The following WRNIP1 variants were observed in gnomAD, a reference collection of about 807,000 sequenced individuals.
WRNIP1 encodes WRN helicase interacting protein 1.
WRNIP1 carries 41 observed loss-of-function variants against 56.1 expected under a neutral mutation model. That is an observed-to-expected ratio of 0.73 (90% CI 0.57 to 0.95). The LOEUF is 0.95. Among genes scored for constraint, WRNIP1 ranks in the 40% least tolerant of loss-of-function variants. The probability of loss-of-function intolerance (pLI) is 0.00; values close to 1 mark genes in which losing one functional copy is unlikely to be tolerated. For missense variants in WRNIP1, 1,170 were observed against 939.4 expected (o/e 1.25, Z -3.21); for synonymous variants, 547 against 398.1 (o/e 1.37, Z -4.45).
rs746242864 is a variant in WRNIP1, at chr6:2,765,600, C to T, written c.-23C>T. ...CACGGGTTGCTGCGGCCGCGCCGGG[C>T]GCCGGGGAGGGCGGCGGCCGCCATG... On this transcript the variant is annotated 5_prime_UTR_variant, in exon 1 of 7. Coordinates refer to ENST00000380773, the MANE Select transcript of WRNIP1 (RefSeq NM_020135.3). The T allele has an allele frequency of 2.7e-6, 4 of 1,489,078 alleles. No individual in the cohort carries two copies. Among genetic ancestry groups the T allele is most frequent in the Admixed American group, 2.2e-5 (1 of 45,412 alleles). The allele number at this position is 1,489,078 out of a possible 1,614,324, so 92.2% of individuals were successfully genotyped here.
At chr6:2,781,556 G>A (rs1765561867) in intron 4 of WRNIP1, among the ~76,000 whole-genome samples, 1 of 152,150 alleles carries the variant, frequency 6.6e-6, no homozygotes. Flanking sequence ...CCAGAGTTGT[G>A]ATTATTTTTG....
chr6:2,776,505 TC>T (rs1316753865), intron 3 of WRNIP1, among the ~76,000 whole-genome samples: 1 of 152,216 alleles, frequency 6.6e-6, no homozygotes, highest in East Asian at 1.9e-4. Flanking sequence ...GCACCTCCAT[TC>T]CCCATGACTC....
intron 3 of WRNIP1, among the ~76,000 whole-genome samples, chr6:2,774,893 T>G (rs1024939155): frequency 6.6e-6 from 1 of 152,252 alleles, no homozygotes; most frequent in Non-Finnish European, 1.5e-5. Flanking sequence ...CACAGTCTGA[T>G]GAGGGTGATT....
intron 3 of WRNIP1, chr6:2,773,747 TATAC>T (rs1468705874): frequency 1.0e-6 from 1 of 964,254 alleles, no homozygotes; most frequent in Admixed American, 6.8e-5. Context: ...TCATAGAATA[TATAC>T]ATAGTCAAAA....
chr6:2,778,575 C>T (rs888555566), intron 3 of WRNIP1, among the ~76,000 whole-genome samples: 17 of 152,182 alleles, frequency 1.1e-4, no homozygotes, highest in African/African-American at 4.1e-4. Context: ...GCAGTCTTCT[C>T]GTCGCTTCCC....
At position 2,770,076 on chromosome 6, in the gene WRNIP1, C is replaced by G. The variant is rs539975236; in HGVS notation, c.1015-44C>G. Reference sequence around the variant, plus strand: ...AACTTACATAGGATTCTGCAGGTGGCTGTTGACTGGAATCACTTTTTTCTG... The same window carrying G: ...AACTTACATAGGATTCTGCAGGTGGGTGTTGACTGGAATCACTTTTTTCTG... On this transcript the variant is annotated intron_variant, in intron 2 of 6. Coordinates refer to ENST00000380773, the MANE Select transcript of WRNIP1 (RefSeq NM_020135.3). The G allele has an allele frequency of 1.7e-5, 27 of 1,610,766 alleles. No individual in the cohort carries two copies. The East Asian group carries it at 5.1e-4, about 31-fold the overall frequency.
At chr6:2,776,288 G>C (rs1051068770) in intron 3 of WRNIP1, among the ~76,000 whole-genome samples, 1 of 152,226 alleles carries the variant, frequency 6.6e-6, no homozygotes, top group Non-Finnish European at 1.5e-5. Context: ...CGTCTTCACA[G>C]TGAATCTCCA....
chr6:2,770,431 A>G, intron 3 of WRNIP1, 70 bp downstream of exon 3: 3 of 1,589,398 alleles, frequency 1.9e-6, no homozygotes, highest in Non-Finnish European at 2.6e-6. Flanking sequence ...GGGGCCAGAA[A>G]GGGCCGGGCG....
intron 4 of WRNIP1, among the ~76,000 whole-genome samples, chr6:2,781,064 C>G (rs371318233): frequency 5.3e-5 from 8 of 152,234 alleles, no homozygotes; most frequent in African/African-American, 1.9e-4. Flanking sequence ...TCCTTCCCCC[C>G]GTCCGCATTT....
Position 2,766,162 on chromosome 6 carries a change from G to A in WRNIP1, c.540G>A (p.Ala180=). The change falls in exon 1 of 7, where the codon GCG becomes GCA. Residue 180 remains alanine (A), a synonymous_variant. Coordinates refer to ENST00000380773, the MANE Select transcript of WRNIP1 (RefSeq NM_020135.3). ...GDGDGDGDAD[A]DGEDDPGHWD... ...GCGATGGCGACGGGGACGCGGACGC[G>A]GACGGCGAGGACGACCCGGGGCACT... 3.8e-6 allele frequency: 5 copies of A among 1,333,312 alleles called. No individual in the cohort carries two copies. The highest frequency in any genetic ancestry group is 4.8e-6 in the Non-Finnish European group (5 of 1,048,348). The allele number at this position is 1,333,312 out of a possible 1,614,324, so 82.6% of individuals were successfully genotyped here.
chr6:2,783,605 T>C, intron 5 of WRNIP1, 44 bp downstream of exon 5: 2 of 975,546 alleles, frequency 2.1e-6, no homozygotes, highest in Admixed American at 8.6e-5. Context: ...TCCATGAGGG[T>C]GGGGAAATGG....
In WRNIP1 at chr6:2,785,490, G is replaced by A; in HGVS notation, c.*208G>A. ...GTGTTCATTTGCACTCGGTGCAGCG[G>A]TTATGCTTATGAAAATACCTGGCAG... On this transcript the variant is annotated 3_prime_UTR_variant, in exon 7 of 7. Coordinates refer to ENST00000380773, the MANE Select transcript of WRNIP1 (RefSeq NM_020135.3). 1.7e-6 allele frequency: 1 copy of A among 579,070 alleles called. No individual in the cohort carries two copies. The highest frequency in any genetic ancestry group is 3.0e-6 in the Non-Finnish European group (1 of 331,536). The allele number at this position is 579,070 out of a possible 1,614,324, so 35.9% of individuals were successfully genotyped here. A position where few individuals can be genotyped will look rare whatever the true frequency, so the allele number is the denominator to read the frequency against.
chr6:2,785,247 A>G lies in WRNIP1; in HGVS notation c.1963A>G (p.Arg655Gly), dbSNP rs748686446. 1.2e-6 allele frequency: 2 copies of G among 1,614,018 alleles called. No homozygotes were observed. Among genetic ancestry groups the G allele is most frequent in the Non-Finnish European group, 1.7e-6 (2 of 1,179,988 alleles). The change falls in exon 7 of 7, where the codon AGG becomes GGG. Residue 655 changes from arginine (R) to glycine (G), a missense_variant. Arg to Gly is a moderately radical substitution (Grantham distance 125). Transcript: ENST00000380773. ...TCAGGAGTACCTGCCTGAAGAGTTG[A>G]GGGGGGTAGATTTCTTCAAGCAGAG... ...VDQEYLPEEL[R>G]GVDFFKQRRC is the part of the protein sequence containing the mutation.
intron 3 of WRNIP1, among the ~76,000 whole-genome samples, chr6:2,771,135 A>G (rs550899191): frequency 3.9e-5 from 6 of 152,136 alleles, no homozygotes; most frequent in Non-Finnish European, 8.8e-5. Flanking sequence ...ATGAGAGGCT[A>G]TTGCCCACCT....
At chr6:2,776,745 A>G (rs1447088297) in intron 3 of WRNIP1, among the ~76,000 whole-genome samples, 1 of 152,182 alleles carries the variant, frequency 6.6e-6, no homozygotes, top group Non-Finnish European at 1.5e-5. Context: ...TTATACTAGT[A>G]AATACCATGG....
intron 5 of WRNIP1, among the ~76,000 whole-genome samples, 172 bp from the exon 6 acceptor site, chr6:2,784,152 C>T (rs1485841271): frequency 6.6e-6 from 1 of 152,216 alleles, no homozygotes; most frequent in Non-Finnish European, 1.5e-5. Context: ...CTCAATATTT[C>T]TTGCATAAGT....
At chr6:2,770,030 AAAAG>A in intron 2 of WRNIP1, 86 bp from the exon 3 acceptor site, 1 of 1,552,966 alleles carries the variant, frequency 6.4e-7, no homozygotes. Context: ...AAAAATGAGG[AAAAG>A]GAAGGAAGGG....
Position 2,768,749 on chromosome 6 carries a change from CATT to C in WRNIP1, c.884_886del (p.Leu295del). The C allele has an allele frequency of 1.2e-6, 2 of 1,613,898 alleles. No individual in the cohort carries two copies. The highest frequency in any genetic ancestry group is 1.7e-6 in the Non-Finnish European group (2 of 1,179,886). On this transcript the variant is annotated inframe_deletion, in exon 2 of 7. Coordinates refer to ENST00000380773, the MANE Select transcript of WRNIP1 (RefSeq NM_020135.3). ...AAGAAACATAGCATAAGGTTTGTGA[CATT>C]ATCTGCAACAAATGCCAAGACAAAT...
chr6:2,766,858 G>T (rs1482057623), intron 1 of WRNIP1, among the ~76,000 whole-genome samples: 1 of 151,828 alleles, frequency 6.6e-6, no homozygotes, highest in Non-Finnish European at 1.5e-5. Flanking sequence ...CATAATAACG[G>T]ATTCAGCTTT....
Sources: gnomAD v4.1 joint callset for allele counts (sites outside exome capture counted in the v4.1 genomes callset) on GRCh38, gnomAD v4.1.1 for gene constraint, MANE v1.5 for transcripts, NCBI Gene and HGNC (gene_info 2026-07-23, HGNC 2026-07-21) for gene names.